The following DGKD variants were observed in gnomAD, a reference collection of about 807,000 sequenced individuals.
DGKD encodes the protein DAG kinase delta.
DGKD carries 68 observed loss-of-function variants against 154.4 expected under a neutral mutation model. The ratio of observed to expected loss-of-function variants is 0.44; its 90% CI spans 0.36 to 0.54. DGKD has a LOEUF of 0.54. Ranked by LOEUF, DGKD falls within the 20% of genes least tolerant of loss-of-function variation. DGKD has a pLI of 0.00. For synonymous variants in DGKD, 693 were observed against 638.0 expected (o/e 1.09, Z -1.30); for missense variants, 1,343 against 1,593.6 (o/e 0.84, Z 2.68).
At chr2:233,448,801 A>G (rs1019412139) in intron 14 of DGKD, among the ~76,000 whole-genome samples, 2 of 152,174 alleles carry the variant, frequency 1.3e-5, no homozygotes, top group African/African-American at 4.8e-5. Context: ...TGCAAAAAGC[A>G]ACCAATCAGA....
intron 3 of DGKD, among the ~76,000 whole-genome samples, chr2:233,424,922 A>G (rs2062241867): frequency 6.6e-6 from 1 of 152,116 alleles, no homozygotes; most frequent in Admixed American, 6.5e-5. Flanking sequence ...TCACGTCTGC[A>G]TGTCTCCAGT....
In DGKD at chr2:233,446,816, C is replaced by T. The variant is rs1162385414; in HGVS notation, c.1419+20C>T. On this transcript the variant is annotated intron_variant, in intron 12 of 29. Transcript: ENST00000264057. ...TCCGAGGTATTGCTGGCCTGTTCTT[C>T]ACACCCTGCTCGCATGCTGATGTGA... 6 of 1,613,750 alleles carry T rather than the reference C, an allele frequency of 3.7e-6. No homozygotes were observed. The Admixed American group carries it at 1.0e-4, about 27-fold the overall frequency.
chr2:233,440,443 G>T lies in DGKD; in HGVS notation c.1086-1444G>T, dbSNP rs146418302. On this transcript the variant is annotated intron_variant, in intron 9 of 29. Transcript: ENST00000264057. The surrounding 1 kb of genome is among the most constrained non-coding windows in gnomAD (Gnocchi z 4.9). ...ATGCAGGGAATGGGTAGGAGCACAC[G>T]CAGGGTCCCCCGGCACTTCAGTGGG... Among the ~76,000 whole-genome samples, 784 of 152,308 alleles carry T rather than the reference G, an allele frequency of 5.1e-3. 10 individuals carry two copies. Among genetic ancestry groups the T allele is most frequent in the African/African-American group, 0.018 (739 of 41,560 alleles).
chr2:233,355,818 A>G (rs1031217555), intron 1 of DGKD, among the ~76,000 whole-genome samples: 1 of 152,258 alleles, frequency 6.6e-6, no homozygotes, highest in East Asian at 1.9e-4. Flanking sequence ...GGTTAGCTTT[A>G]CAGCACTTGA....
At chr2:233,455,336 G>T (rs968134607) in intron 19 of DGKD, among the ~76,000 whole-genome samples, 1 of 152,222 alleles carries the variant, frequency 6.6e-6, no homozygotes, top group Admixed American at 6.5e-5. Flanking sequence ...GAGCGTGGGA[G>T]CCCCAAGGGG....
chr2:233,362,913 C>G (rs1056724388), intron 1 of DGKD, among the ~76,000 whole-genome samples: 1 of 152,110 alleles, frequency 6.6e-6, no homozygotes, highest in Non-Finnish European at 1.5e-5. Flanking sequence ...CAATGAATTA[C>G]CTATGTGTTT....
chr2:233,468,860 C>T (rs1255923482), intron 29 of DGKD, among the ~76,000 whole-genome samples: 1 of 152,254 alleles, frequency 6.6e-6, no homozygotes, highest in Admixed American at 6.5e-5. Context: ...CACAGTCACA[C>T]ACGACTGTCC....
At chr2:233,455,548 G>A (rs1575158439) in intron 19 of DGKD, among the ~76,000 whole-genome samples, 1 of 152,240 alleles carries the variant, frequency 6.6e-6, no homozygotes, top group South Asian at 2.1e-4. Context: ...AATCAGAGAG[G>A]CCATTCAGCT....
In DGKD at chr2:233,462,268, G is replaced by T. The variant is rs372857308; in HGVS notation, c.2982-80G>T. ...CACATCAGCCCTCCAGGTGGTACCT[G>T]GGCCGTGTTCAGATGCGTATTGTGA... On this transcript the variant is annotated intron_variant, in intron 24 of 29. Coordinates refer to ENST00000264057, the MANE Select transcript of DGKD (RefSeq NM_152879.3). The T allele has an allele frequency of 4.8e-4, 564 of 1,171,794 alleles. 6 individuals carry two copies. The East Asian group carries it at 0.013, about 27-fold the overall frequency. 72.6% of individuals were successfully genotyped at this position (1,171,794 alleles called of 1,614,324 possible).
At chr2:233,424,264 G>A (rs1022248148) in intron 3 of DGKD, among the ~76,000 whole-genome samples, 7 of 152,136 alleles carry the variant, frequency 4.6e-5, no homozygotes, top group Non-Finnish European at 1.0e-4. Context: ...TGAGATCCAC[G>A]TCCAGATCCC....
At chr2:233,385,331 A>G (rs762230731) in intron 1 of DGKD, among the ~76,000 whole-genome samples, 3 of 152,042 alleles carry the variant, frequency 2.0e-5, no homozygotes, top group African/African-American at 7.2e-5. Context: ...GCTCTCGCCA[A>G]CTTCCTCTGG....
Position 233,390,483 on chromosome 2 carries a change from G to A in DGKD, c.348G>A (p.Thr116=), listed in dbSNP as rs200443109. 1.9e-5 allele frequency: 30 copies of A among 1,612,962 alleles called. No homozygotes were observed. The African/African-American group carries it at 1.9e-4, about 10-fold the overall frequency. Residue 116 remains threonine (T), a splice_region_variant and synonymous_variant, in exon 3 of 30, where the codon ACG becomes ACA. Transcript: ENST00000264057. ...CCAAAAACGTCAACAACAGTTTTAC[G>A]GTAAGATTCCTCAGTCATGCCTTTC... ...SSTKNVNNSF[T]VITPCRKLIL...
At chr2:233,427,088 G>C (rs1316507938) in intron 3 of DGKD, among the ~76,000 whole-genome samples, 1 of 152,158 alleles carries the variant, frequency 6.6e-6, no homozygotes, top group African/African-American at 2.4e-5. Flanking sequence ...GGCTGTTCTA[G>C]CCTGCCTCAG....
At chr2:233,359,257 T>C (rs956021869) in intron 1 of DGKD, among the ~76,000 whole-genome samples, 1 of 152,188 alleles carries the variant, frequency 6.6e-6, no homozygotes, top group African/African-American at 2.4e-5. Context: ...TCTGTAAACA[T>C]GGAAAATATT....
At position 233,436,263 on chromosome 2, in the gene DGKD, C is replaced by T. The variant is rs561380832; in HGVS notation, c.694-53C>T. On this transcript the variant is annotated intron_variant, in intron 6 of 29. Coordinates refer to ENST00000264057, the MANE Select transcript of DGKD (RefSeq NM_152879.3). ...TCACAACGAGCATTTCCTGGCTGCC[C>T]TGGACGTGGAACCTTGGGAGCGTCC... 63 of 1,609,412 alleles carry T rather than the reference C, an allele frequency of 3.9e-5. No homozygotes were observed. The African/African-American group carries it at 5.9e-4, about 15-fold the overall frequency.
At chr2:233,451,594 GTCTC>G (rs1332071360) in intron 17 of DGKD, among the ~76,000 whole-genome samples, 1 of 150,050 alleles carries the variant, frequency 6.7e-6, no homozygotes, top group Non-Finnish European at 1.5e-5. Context: ...TTAAAAGAGG[GTCTC>G]TCTCTATTGC....
rs981752274 is a variant in DGKD at position 233,450,086 on chromosome 2, C to T, written c.1993C>T (p.His665Tyr). 6.2e-7 allele frequency: 1 copy of T among 1,613,898 alleles called. No individual in the cohort carries two copies. Among genetic ancestry groups the T allele is most frequent in the Middle Eastern group, 1.7e-4 (1 of 6,058 alleles). Residue 665 changes from histidine to tyrosine, a missense_variant, in exon 16 of 30, where the codon CAC becomes TAC. By Grantham distance (83) the His-to-Tyr change is moderately conservative. This residue lies in a region of DGKD where 409 missense variants were observed against 446.0 expected (regional missense o/e 0.92). Transcript: ENST00000264057. Reference protein sequence around the residue: ...MDHRVCPPLSHSESFGVPKGR... With the variant: ...MDHRVCPPLSYSESFGVPKGR... ...CCACAGAGTGTGCCCACCACTGTCC[C>T]ACAGCGAGAGCTTCGGGGTCCCCAA...
chr2:233,360,612 C>T (rs1257646091), intron 1 of DGKD, among the ~76,000 whole-genome samples: 1 of 152,164 alleles, frequency 6.6e-6, no homozygotes, highest in East Asian at 1.9e-4. Flanking sequence ...TGGTCTCAAA[C>T]TCCTGGGCTC....
Position 233,445,576 on chromosome 2 carries a change from C to T in DGKD, c.1195-47C>T. ...GAGGGCTGCGGGCTGGGAAGTGGCC[C>T]CTGCCCCCAGGTGTTTGCCTGCGCA... is the stretch of plus-strand genomic sequence containing the variant. On this transcript the variant is annotated intron_variant, in intron 10 of 29. Coordinates refer to ENST00000264057, the MANE Select transcript of DGKD (RefSeq NM_152879.3). The surrounding 1 kb of genome is among the most constrained non-coding windows in gnomAD (Gnocchi z 5.5). 6.5e-7 allele frequency: 1 copy of T among 1,540,732 alleles called. No homozygotes were observed. Among genetic ancestry groups the T allele is most frequent in the Non-Finnish European group, 8.8e-7 (1 of 1,141,718 alleles).
Sources: allele counts gnomAD v4.1 joint callset (sites outside exome capture counted in the v4.1 genomes callset), GRCh38; gene constraint gnomAD v4.1.1; regional missense constraint gnomAD v4.1.1; non-coding constraint Gnocchi (gnomAD v3.1); transcripts MANE v1.5; gene names NCBI Gene and HGNC (gene_info 2026-07-23, HGNC 2026-07-21).